Variants in ACTR10 observed in about 807,000 individuals in gnomAD.
ACTR10 encodes the protein actin-related protein 10.
Under a neutral mutation model 56.2 loss-of-function variants are expected in ACTR10, and 43 were observed. The observed-to-expected ratio is 0.77, with a 90% CI of 0.60 to 0.99. The LOEUF is 0.99. Among genes scored for constraint, ACTR10 ranks in the 50% least tolerant of loss-of-function variants. The pLI is 0.00. For missense variants in ACTR10, 466 were observed against 507.8 expected (o/e 0.92, Z 0.79); for synonymous variants, 170 against 176.3 (o/e 0.96, Z 0.28).
intron 2 of ACTR10, among the ~76,000 whole-genome samples, chr14:58,204,278 G>A (rs1888800970): frequency 6.6e-6 from 1 of 152,072 alleles, no homozygotes; most frequent in South Asian, 2.1e-4. Flanking sequence ...CAGCTACTTG[G>A]GAGGCTGAGG....
intron 2 of ACTR10, among the ~76,000 whole-genome samples, chr14:58,203,684 C>G (rs911462435): frequency 5.3e-5 from 8 of 151,968 alleles, no homozygotes; most frequent in African/African-American, 1.7e-4. Context: ...TATAATATAT[C>G]AGATATTTAT....
chr14:58,221,899 G>A (rs972641021), intron 8 of ACTR10, among the ~76,000 whole-genome samples: 1 of 151,982 alleles, frequency 6.6e-6, no homozygotes, highest in Non-Finnish European at 1.5e-5. Context: ...GCCTGGGCAA[G>A]TCAGTCTCGA....
At chr14:58,217,785 T>C (rs1566626747) in intron 7 of ACTR10, among the ~76,000 whole-genome samples, 2 of 152,314 alleles carry the variant, frequency 1.3e-5, no homozygotes, top group African/African-American at 4.8e-5. Flanking sequence ...GAATTTTGAA[T>C]GAGCCTCTTT....
intron 1 of ACTR10, among the ~76,000 whole-genome samples, chr14:58,202,002 CAAAAAAAAA>C (rs11460483): frequency 1.0e-5 from 1 of 99,098 alleles, no homozygotes; most frequent in African/African-American, 4.0e-5. Flanking sequence ...GACCCTGCCT[CAAAAAAAAA>C]AAAAAAAAAA....
At position 58,223,673 on chromosome 14, in the gene ACTR10, C is replaced by T. The variant is rs1441877006; in HGVS notation, c.686C>T (p.Ala229Val). ...DLKRGLKIQA[A>V]KFNIDGNNER... ...AAGCGAGGACTAAAAATCCAAGCAG[C>T]AAAATTTAATATTGATGGGAATAAT... Residue 229 changes from alanine to valine, a missense_variant, in exon 9 of 13, where the codon GCA becomes GTA. Physicochemically the swap from Ala to Val is moderately conservative, Grantham distance 64. Transcript: ENST00000254286. The T allele has an allele frequency of 6.2e-7, 1 of 1,610,084 alleles. No homozygotes were observed. The highest frequency in any genetic ancestry group is 1.1e-5 in the South Asian group (1 of 90,576).
chr14:58,230,852 C>G (rs1486978831), intron 11 of ACTR10, among the ~76,000 whole-genome samples: 1 of 151,810 alleles, frequency 6.6e-6, no homozygotes, highest in Admixed American at 6.6e-5. Context: ...CCTCTGCCTC[C>G]CGGGTTCAAG....
intron 1 of ACTR10, 55 bp downstream of exon 1, chr14:58,200,349 G>A: frequency 3.5e-6 from 5 of 1,411,482 alleles, no homozygotes; most frequent in Non-Finnish European, 4.7e-6. Flanking sequence ...GGGTGGCAGA[G>A]CCCCAGGCAC....
intron 5 of ACTR10, among the ~76,000 whole-genome samples, chr14:58,212,481 T>A (rs906671472): frequency 6.6e-6 from 1 of 152,224 alleles, no homozygotes; most frequent in Non-Finnish European, 1.5e-5. Flanking sequence ...GATCTACATG[T>A]ATATTTATTA....
chr14:58,231,341 C>G (rs1272195761), intron 11 of ACTR10, among the ~76,000 whole-genome samples: 2 of 149,624 alleles, frequency 1.3e-5, no homozygotes, highest in African/African-American at 4.8e-5. Context: ...AGCCACCAAA[C>G]CCAGTGACAT....
chr14:58,200,391 A>G, intron 1 of ACTR10, 97 bp downstream of exon 1: 2 of 1,001,420 alleles, frequency 2.0e-6, no homozygotes, highest in South Asian at 5.4e-5. Flanking sequence ...CTCGCTGGGC[A>G]GCTCCGGGCC....
intron 10 of ACTR10, among the ~76,000 whole-genome samples, chr14:58,226,279 T>C (rs535838003): frequency 3.9e-4 from 59 of 151,924 alleles, no homozygotes; most frequent in Middle Eastern, 3.4e-3. Context: ...TTTTCTCTTA[T>C]TAAAAAAATT....
chr14:58,200,269 A>G lies in ACTR10; in HGVS notation c.52A>G (p.Ile18Val). The change falls in exon 1 of 13, where the codon ATC becomes GTC. Residue 18 changes from isoleucine to valine, a missense_variant. Physicochemically the swap from Ile to Val is conservative, Grantham distance 29. Coordinates refer to ENST00000254286, the MANE Select transcript of ACTR10 (RefSeq NM_018477.3). Reference sequence around the variant, plus strand: ...CGGCGGGGAGAAGACGGCGGTCGTGATCGACCTGGGAGAGGCCTTTACCAA... The same window carrying G: ...CGGCGGGGAGAAGACGGCGGTCGTGGTCGACCTGGGAGAGGCCTTTACCAA... ...GSGGEKTAVVIDLGEAFTKCG... is the reference protein window; with the variant it reads ...GSGGEKTAVVVDLGEAFTKCG... 1 of 1,514,646 alleles carries G rather than the reference A, an allele frequency of 6.6e-7. No homozygotes were observed. Among genetic ancestry groups the G allele is most frequent in the Non-Finnish European group, 8.8e-7 (1 of 1,135,556 alleles). 93.8% of individuals were successfully genotyped at this position (1,514,646 alleles called of 1,614,324 possible).
chr14:58,211,939 C>CAA (rs35891910), intron 5 of ACTR10, among the ~76,000 whole-genome samples: 167 of 127,286 alleles, frequency 1.3e-3, no homozygotes, highest in African/African-American at 3.5e-3. Flanking sequence ...GACTCTGTCT[C>CAA]AAAAAAAAAA....
Position 58,234,649 on chromosome 14 carries a change from T to C in ACTR10, c.*98T>C. ...TAGGATGTTTTGTTATAGAGGACTATAGTGGAAGTGAAAGCATTCTGTGTT... is the reference window on the plus strand; with the variant it reads ...TAGGATGTTTTGTTATAGAGGACTACAGTGGAAGTGAAAGCATTCTGTGTT... On this transcript the variant is annotated 3_prime_UTR_variant, in exon 13 of 13. Transcript: ENST00000254286. 1 of 1,145,270 alleles carries C rather than the reference T, an allele frequency of 8.7e-7. No individual in the cohort carries two copies. The allele number at this position is 1,145,270 out of a possible 1,614,324, so 70.9% of individuals were successfully genotyped here. A position where few individuals can be genotyped will look rare whatever the true frequency, so the allele number is the denominator to read the frequency against.
chr14:58,201,873 C>T lies in ACTR10; in HGVS notation c.78-982C>T, dbSNP rs895855284. Among the ~76,000 whole-genome samples, 10 of 152,042 alleles carry T rather than the reference C, an allele frequency of 6.6e-5. No homozygotes were observed. In the East Asian group the frequency reaches 1.7e-3, roughly 27 times the overall value. ...TACAAAATTTAGCCGGCGGTAGTGT[C>T]GTGCCCGAAATCCTAGCACTTTGGG... is the stretch of plus-strand genomic sequence containing the variant. On this transcript the variant is annotated intron_variant, in intron 1 of 12. Coordinates refer to ENST00000254286, the MANE Select transcript of ACTR10 (RefSeq NM_018477.3).
chr14:58,208,946 T>C, intron 3 of ACTR10, 53 bp from the exon 4 acceptor site: 3 of 1,232,988 alleles, frequency 2.4e-6, no homozygotes, highest in Non-Finnish European at 3.5e-6. Context: ...TTGTATGACT[T>C]AACAAAATGA....
intron 10 of ACTR10, among the ~76,000 whole-genome samples, chr14:58,229,125 CA>C (rs1177750612): frequency 4.0e-5 from 6 of 151,250 alleles, no homozygotes; most frequent in Admixed American, 4.0e-4. Context: ...ACAGTCACTA[CA>C]ACAATGGAGA....
intron 12 of ACTR10, among the ~76,000 whole-genome samples, chr14:58,233,864 G>A (rs1015854036): frequency 3.9e-5 from 6 of 152,168 alleles, no homozygotes; most frequent in South Asian, 2.1e-4. Flanking sequence ...TGGTCAAAAC[G>A]TAGTTTTGAT....
chr14:58,211,158 G>C, intron 4 of ACTR10, 134 bp from the exon 5 acceptor site: 1 of 606,898 alleles, frequency 1.6e-6, no homozygotes, highest in Non-Finnish European at 2.9e-6. Context: ...TCATAAAATG[G>C]TTGAGTAGGT....
Sources: gnomAD v4.1 joint callset for allele counts (sites outside exome capture counted in the v4.1 genomes callset) on GRCh38, gnomAD v4.1.1 for gene constraint, MANE v1.5 for transcripts, NCBI Gene and HGNC (gene_info 2026-07-23, HGNC 2026-07-21) for gene names.